GPBP1: variants seen among roughly 807,000 people sequenced by gnomAD.
GPBP1 encodes GC-rich promoter binding protein 1, also known as vasculin.
A neutral mutation model predicts 56.5 loss-of-function variants in GPBP1; 13 were observed. The ratio of observed to expected loss-of-function variants is 0.23; its 90% CI spans 0.15 to 0.37. The LOEUF is 0.37. Ranked by LOEUF, GPBP1 falls within the 10% of genes least tolerant of loss-of-function variation. The pLI, the probability that GPBP1 is intolerant of heterozygous loss-of-function variation, is 1.00. For missense variants in GPBP1, 477 were observed against 572.3 expected, an observed-to-expected ratio of 0.83 and a Z score of 1.70; for synonymous variants, 204 against 188.9, an observed-to-expected ratio of 1.08 and a Z score of -0.66.
chr5:57,216,341 A>T (rs534176650), intron 3 of GPBP1, among the ~76,000 whole-genome samples: 19 of 152,208 alleles, frequency 1.2e-4, no homozygotes, highest in African/African-American at 4.6e-4. Context: ...GGATGTGGGG[A>T]GGGTAGCTGG....
At chr5:57,210,112 A>G (rs758733461) in intron 2 of GPBP1, among the ~76,000 whole-genome samples, 1 of 152,178 alleles carries the variant, frequency 6.6e-6, no homozygotes, top group Non-Finnish European at 1.5e-5. Flanking sequence ...GAAATAAAAC[A>G]TAACAAGAAA....
At chr5:57,200,135 GCCCCT>G (rs1754945064) in intron 2 of GPBP1, among the ~76,000 whole-genome samples, 1 of 36,654 alleles carries the variant, frequency 2.7e-5, no homozygotes, top group Non-Finnish European at 5.6e-5. Flanking sequence ...TCCCCGCCCC[GCCCCT>G]CCCCTCCCCT....
At chr5:57,215,462 T>G (rs1179764265) in intron 3 of GPBP1, among the ~76,000 whole-genome samples, 2 of 152,344 alleles carry the variant, frequency 1.3e-5, no homozygotes, top group Admixed American at 1.3e-4. Flanking sequence ...AGCTGATTGC[T>G]CTATTGTTTT....
chr5:57,257,079 G>T (rs901966233), intron 10 of GPBP1, among the ~76,000 whole-genome samples: 1 of 151,770 alleles, frequency 6.6e-6, no homozygotes, highest in Admixed American at 6.6e-5. Flanking sequence ...TGTCACACAG[G>T]CTGGAGTACC....
chr5:57,236,610 T>C (rs1420637896), intron 6 of GPBP1, among the ~76,000 whole-genome samples: 1 of 152,124 alleles, frequency 6.6e-6, no homozygotes, highest in African/African-American at 2.4e-5. Context: ...CCCCATTTTT[T>C]TTTAAAAGAC....
chr5:57,247,666 C>A (rs937002993), intron 8 of GPBP1, among the ~76,000 whole-genome samples: 1 of 151,996 alleles, frequency 6.6e-6, no homozygotes, highest in African/African-American at 2.4e-5. Context: ...ACCTGGGCAA[C>A]AGAGTGAGAC....
intron 2 of GPBP1, among the ~76,000 whole-genome samples, chr5:57,195,999 A>AAAAG: frequency 6.7e-6 from 1 of 149,884 alleles, no homozygotes; most frequent in Admixed American, 6.7e-5. Context: ...AAAAAAAAAA[A>AAAAG]AAAAAAATTT....
chr5:57,177,648 CTTTTTTTTTTTTTTTT>C (rs58708281), intron 2 of GPBP1, among the ~76,000 whole-genome samples: 9 of 92,242 alleles, frequency 9.8e-5, no homozygotes, highest in Admixed American at 1.4e-4. Context: ...CAATTTTTGC[CTTTTTTTTTTTTTTTT>C]TTTTTTTTTT....
chr5:57,248,147 T>C (rs377296796), intron 8 of GPBP1, among the ~76,000 whole-genome samples: 1 of 152,198 alleles, frequency 6.6e-6, no homozygotes, highest in Non-Finnish European at 1.5e-5. Context: ...GGATTTGTAT[T>C]GTATAATGTC....
chr5:57,244,727 ATTTTTTTT>A (rs532660984), intron 6 of GPBP1, among the ~76,000 whole-genome samples: 1 of 93,168 alleles, frequency 1.1e-5, no homozygotes, highest in African/African-American at 4.4e-5. Flanking sequence ...TTTGTTTGAG[ATTTTTTTT>A]TTTTTTTTTT....
chr5:57,221,458 A>G, intron 3 of GPBP1: 2 of 991,716 alleles, frequency 2.0e-6, no homozygotes, highest in East Asian at 2.6e-5. Flanking sequence ...AGCAAATTCC[A>G]TTTGTTATGC....
chr5:57,242,647 G>A (rs1043346660), intron 6 of GPBP1, among the ~76,000 whole-genome samples: 1 of 152,032 alleles, frequency 6.6e-6, no homozygotes, highest in African/African-American at 2.4e-5. Context: ...GTCTCATTAT[G>A]TTGCCCAGCC....
chr5:57,250,647 A>T (rs944849565), intron 9 of GPBP1, among the ~76,000 whole-genome samples: 3 of 151,592 alleles, frequency 2.0e-5, no homozygotes, highest in Non-Finnish European at 4.4e-5. Flanking sequence ...GGTTCAAGCA[A>T]TTCTCCTGCC....
rs1756696668 is a variant in GPBP1 at position 57,237,245 on chromosome 5, T to G, written c.478+1213T>G. The G allele has an allele frequency of 2.6e-5, 25 of 966,586 alleles. 2 individuals are homozygous for G. In the South Asian group the frequency reaches 3.2e-4, roughly 12 times the overall value. 59.9% of individuals were successfully genotyped at this position (966,586 alleles called of 1,614,324 possible). ...AGAATATAGAACCACCTGGAAGGTG[T>G]TAAATAGAATCTCTAAGAAATTAGG... On this transcript the variant is annotated intron_variant, in intron 6 of 11. Coordinates refer to ENST00000506184, the MANE Select transcript of GPBP1 (RefSeq NM_022913.4).
chr5:57,253,347 T>C (rs1198290696), intron 10 of GPBP1, among the ~76,000 whole-genome samples: 1 of 152,240 alleles, frequency 6.6e-6, no homozygotes. Context: ...TTACATCTTC[T>C]AAGAGCAAGC....
intron 3 of GPBP1, among the ~76,000 whole-genome samples, chr5:57,228,278 A>G (rs977186952): frequency 7.2e-5 from 11 of 152,196 alleles, no homozygotes; most frequent in African/African-American, 2.4e-4. Context: ...AATATGGTGA[A>G]ACCCCATCTC....
At chr5:57,212,883 G>T (rs1755551060) in intron 2 of GPBP1, among the ~76,000 whole-genome samples, 2 of 151,662 alleles carry the variant, frequency 1.3e-5, no homozygotes, top group African/African-American at 4.8e-5. Flanking sequence ...ATGCTGGCCA[G>T]GCTGGTCTTA....
In GPBP1 at chr5:57,187,036, GTGTA is replaced by G. The variant is rs1283581830; in HGVS notation, c.-58+10644_-58+10647del. On this transcript the variant is annotated intron_variant, in intron 2 of 11. Coordinates refer to ENST00000506184, the MANE Select transcript of GPBP1 (RefSeq NM_022913.4). ...TGTGTGTGTGTGTGTGTGTGTGTGT[GTGTA>G]TGTATGTTTGTATGTATTATGCTAA... 7.8e-5 allele frequency among the ~76,000 whole-genome samples: 11 copies of G among 141,456 alleles called. No homozygotes were observed. In the East Asian group the frequency reaches 1.6e-3, roughly 21 times the overall value. The allele number at this position is 141,456 out of a possible 152,430, so 92.8% of individuals were successfully genotyped here.
chr5:57,261,362 G>C (rs1393403048), intron 11 of GPBP1, 80 bp downstream of exon 11: 1 of 790,190 alleles, frequency 1.3e-6, no homozygotes, highest in Non-Finnish European at 2.2e-6. Context: ...AGCATGGAGT[G>C]GGGGAGATTT....
Sources: allele counts gnomAD v4.1 joint callset (sites outside exome capture counted in the v4.1 genomes callset), GRCh38; gene constraint gnomAD v4.1.1; transcripts MANE v1.5; gene names NCBI Gene and HGNC (gene_info 2026-07-23, HGNC 2026-07-21).